The following TAFA4 variants were observed in gnomAD, a reference collection of about 807,000 sequenced individuals.
The protein encoded by TAFA4 is TAFA chemokine like family member 4.
In TAFA4, 20 loss-of-function variants were observed where a neutral mutation model predicts 21.1. The ratio of observed to expected loss-of-function variants is 0.95; its 90% CI spans 0.67 to 1.38. The LOEUF (loss-of-function observed/expected upper bound fraction) is 1.38, where lower values mean the gene tolerates loss of function less well. Ranked by LOEUF, TAFA4 falls within the 40% of genes most tolerant of loss-of-function variation. TAFA4 has a pLI of 0.00. For missense variants in TAFA4, 211 were observed against 180.9 expected (o/e 1.17, Z -0.95); for synonymous variants, 71 against 67.4 (o/e 1.05, Z -0.26).
intron 3 of TAFA4, among the ~76,000 whole-genome samples, chr3:68,838,098 A>G (rs1279250626): frequency 6.6e-6 from 1 of 152,160 alleles, no homozygotes; most frequent in East Asian, 1.9e-4. Flanking sequence ...GACTATAGTT[A>G]ATATAGTCAC....
chr3:68,756,352 C>T (rs983771533), intron 3 of TAFA4, among the ~76,000 whole-genome samples: 1 of 152,202 alleles, frequency 6.6e-6, no homozygotes, highest in African/African-American at 2.4e-5. Context: ...TTTTCAGATA[C>T]ATCCATTTAC....
intron 2 of TAFA4, 127 bp from the exon 3 acceptor site, chr3:68,880,972 A>G: frequency 4.5e-6 from 3 of 661,982 alleles, no homozygotes; most frequent in Admixed American, 5.6e-5. Context: ...TTCTCCCAAG[A>G]AAACAGAAGA....
chr3:68,737,127 T>C (rs1371784459), intron 5 of TAFA4, among the ~76,000 whole-genome samples: 3 of 152,128 alleles, frequency 2.0e-5, no homozygotes, highest in Admixed American at 6.6e-5. Context: ...TATATTTATA[T>C]ATAAAAATCA....
intron 3 of TAFA4, among the ~76,000 whole-genome samples, chr3:68,770,784 T>C (rs1702941094): frequency 6.6e-6 from 1 of 152,050 alleles, no homozygotes; most frequent in African/African-American, 2.4e-5. Flanking sequence ...AAGTGCCAGG[T>C]AGAGAAGGGT....
At chr3:68,790,463 T>C (rs1703341651) in intron 3 of TAFA4, among the ~76,000 whole-genome samples, 1 of 152,084 alleles carries the variant, frequency 6.6e-6, no homozygotes, top group African/African-American at 2.4e-5. Flanking sequence ...AAATGATCTA[T>C]GCATACAAAT....
chr3:68,765,776 G>C (rs929540437), intron 3 of TAFA4, among the ~76,000 whole-genome samples: 5 of 152,102 alleles, frequency 3.3e-5, no homozygotes, highest in African/African-American at 1.2e-4. Context: ...TAGCCTTTTG[G>C]AGGATGGAAA....
intron 3 of TAFA4, among the ~76,000 whole-genome samples, chr3:68,761,865 TA>T (rs1215980317): frequency 1.3e-5 from 2 of 152,126 alleles, no homozygotes; most frequent in Non-Finnish European, 2.9e-5. Flanking sequence ...TAGAGGCTTC[TA>T]GATGTGGAGA....
rs1397863684 is a variant in TAFA4 at position 68,932,385 on chromosome 3, G to A, written c.-268C>T. On this transcript the variant is annotated 5_prime_UTR_variant, in exon 1 of 6. Coordinates refer to ENST00000295569, the MANE Select transcript of TAFA4 (RefSeq NM_182522.5). ...CACCTCTGCAGCCTCGCCAGGAGAA[G>A]AAAAGTTCCCACGTCTCTACCAGGA... 1 of 152,388 alleles carries A rather than the reference G, an allele frequency of 6.6e-6. No individual in the cohort carries two copies. The highest frequency in any genetic ancestry group is 1.5e-5 in the Non-Finnish European group (1 of 68,144). The allele number at this position is 152,388 out of a possible 1,614,324, so 9.4% of individuals were successfully genotyped here.
At chr3:68,872,227 A>C (rs2089491355) in intron 3 of TAFA4, among the ~76,000 whole-genome samples, 1 of 152,186 alleles carries the variant, frequency 6.6e-6, no homozygotes, top group East Asian at 1.9e-4. Flanking sequence ...TCAGTCATAA[A>C]AAAGAATAAA....
chr3:68,763,283 A>C (rs1702789265), intron 3 of TAFA4, among the ~76,000 whole-genome samples: 1 of 152,244 alleles, frequency 6.6e-6, no homozygotes, highest in South Asian at 2.1e-4. Context: ...AAAATGGAGG[A>C]TGATATATTA....
intron 5 of TAFA4, among the ~76,000 whole-genome samples, chr3:68,737,326 A>G (rs924323894): frequency 2.6e-5 from 4 of 152,126 alleles, no homozygotes; most frequent in Admixed American, 1.3e-4. Flanking sequence ...AAGCACGCTG[A>G]GTCTATATAG....
chr3:68,794,553 C>A (rs1162347573), intron 3 of TAFA4, among the ~76,000 whole-genome samples: 1 of 152,134 alleles, frequency 6.6e-6, no homozygotes, highest in Non-Finnish European at 1.5e-5. Flanking sequence ...ACTTTCATAT[C>A]GTTTCTATTT....
chr3:68,741,626 G>A (rs1041792596), intron 4 of TAFA4, among the ~76,000 whole-genome samples: 3 of 151,640 alleles, frequency 2.0e-5, no homozygotes, highest in African/African-American at 7.3e-5. Context: ...AACCCCATCT[G>A]TACTAAAAAT....
chr3:68,770,721 G>T (rs1467249426), intron 3 of TAFA4, among the ~76,000 whole-genome samples: 1 of 152,128 alleles, frequency 6.6e-6, no homozygotes, highest in African/African-American at 2.4e-5. Context: ...ACTTTATAAA[G>T]AAAATATTTT....
intron 3 of TAFA4, among the ~76,000 whole-genome samples, chr3:68,873,376 A>ACC (rs1559550189): frequency 7.2e-6 from 1 of 138,568 alleles, no homozygotes; most frequent in African/African-American, 2.6e-5. Flanking sequence ...ACACACACAC[A>ACC]CCCTGGGCCA....
At chr3:68,790,065 T>C (rs1703333864) in intron 3 of TAFA4, among the ~76,000 whole-genome samples, 1 of 152,188 alleles carries the variant, frequency 6.6e-6, no homozygotes, top group Admixed American at 6.5e-5. Context: ...AAAATATGTA[T>C]AACTGTTGAA....
At chr3:68,741,944 T>TATCCTTGATAAACATAC (rs1201595665) in intron 4 of TAFA4, among the ~76,000 whole-genome samples, 2 of 152,152 alleles carry the variant, frequency 1.3e-5, no homozygotes, top group Non-Finnish European at 2.9e-5. Flanking sequence ...TATAGGCCAA[T>TATCCTTGATAAACATAC]ATCCTTGATA....
rs1033984402 is a variant in TAFA4 at position 68,874,897 on chromosome 3, G to T, written c.130+5833C>A. Among the ~76,000 whole-genome samples, 3 of 152,298 alleles carry T rather than the reference G, an allele frequency of 2.0e-5. No homozygotes were observed. In the East Asian group the frequency reaches 5.8e-4, roughly 29 times the overall value. On this transcript the variant is annotated intron_variant, in intron 3 of 5. Coordinates refer to ENST00000295569, the MANE Select transcript of TAFA4 (RefSeq NM_182522.5). The stretch of plus-strand genomic sequence containing the variant: ...GACTTGAACTTGCAGCTGAGGAGGT[G>T]AGAAGAAGCCAAATATGAACACTGC...
intron 1 of TAFA4, among the ~76,000 whole-genome samples, chr3:68,931,523 T>A (rs1019086769): frequency 2.0e-5 from 3 of 152,172 alleles, no homozygotes; most frequent in Non-Finnish European, 4.4e-5. Context: ...GCTCCTTGCG[T>A]AGGGTCAAGG....
Sources: gnomAD v4.1 joint callset for allele counts (sites outside exome capture counted in the v4.1 genomes callset) on GRCh38, gnomAD v4.1.1 for gene constraint, MANE v1.5 for transcripts, NCBI Gene and HGNC (gene_info 2026-07-23, HGNC 2026-07-21) for gene names.